IQCF1: variants seen among roughly 807,000 people sequenced by gnomAD.
IQCF1 encodes the protein IQ motif containing F1.
In IQCF1, 9 loss-of-function variants were observed where a neutral mutation model predicts 12.5. The observed-to-expected ratio is 0.72, with a 90% CI of 0.43 to 1.26. IQCF1 has a LOEUF of 1.26. IQCF1 is among the 50% of genes most tolerant of loss of function. The pLI is 0.00. For missense variants in IQCF1, 252 were observed against 257.4 expected, an observed-to-expected ratio of 0.98 and a Z score of 0.14; for synonymous variants, 67 against 96.2, an observed-to-expected ratio of 0.70 and a Z score of 1.78.
chr3:51,903,074 G>C lies in IQCF1; in HGVS notation c.19C>G (p.Gln7Glu). 6.2e-7 allele frequency: 1 copy of C among 1,614,082 alleles called. No individual in the cohort carries two copies. Among genetic ancestry groups the C allele is most frequent in the Non-Finnish European group, 8.5e-7 (1 of 1,180,010 alleles). MEEKQP[Q>E]KTKEPSKEDE... ...TCTTTTGAGGGTTCCTTCGTCTTTT[G>C]GGGCTGCTTCTCCTCCTGCAATCAG... is the stretch of plus-strand genomic sequence containing the variant. Residue 7 changes from glutamine (Q) to glutamate (E), a missense_variant, in exon 2 of 4, where the codon CAA becomes GAA. Coordinates refer to ENST00000310914, the MANE Select transcript of IQCF1 (RefSeq NM_152397.3).
At chr3:51,901,978 C>T (rs186803616) in intron 2 of IQCF1, among the ~76,000 whole-genome samples, 41 of 152,260 alleles carry the variant, frequency 2.7e-4, no homozygotes, top group African/African-American at 9.9e-4. Context: ...ACCTTCATCC[C>T]AAACAACACT....
At position 51,895,694 on chromosome 3, in the gene IQCF1, C is replaced by T. The variant is rs1391816716; in HGVS notation, c.172-358G>A. Among the ~76,000 whole-genome samples the T allele has an allele frequency of 6.6e-6, 1 of 152,216 alleles. No individual in the cohort carries two copies. Among genetic ancestry groups the T allele is most frequent in the African/African-American group, 2.4e-5 (1 of 41,464 alleles). ...TCCACCCAGGCCTGATCCTTTCTTTCAGACCCCTTCCACCTACTGGAGAAG... is the reference window on the plus strand; with the variant it reads ...TCCACCCAGGCCTGATCCTTTCTTTTAGACCCCTTCCACCTACTGGAGAAG... On this transcript the variant is annotated intron_variant, in intron 3 of 3. Transcript: ENST00000310914. The surrounding 1 kb of genome is among the most constrained non-coding windows in gnomAD (Gnocchi z 4.8).
rs1699101615 is a variant in IQCF1 at position 51,903,352 on chromosome 3, G to A, written c.-80C>T. ...TCCAGCCATAGCATAGGCAGGAAGGGTGGAGGAAGAAAGGCCTGTGATGTC... is the reference window on the plus strand; with the variant it reads ...TCCAGCCATAGCATAGGCAGGAAGGATGGAGGAAGAAAGGCCTGTGATGTC... On this transcript the variant is annotated 5_prime_UTR_variant, in exon 1 of 4. Coordinates refer to ENST00000310914, the MANE Select transcript of IQCF1 (RefSeq NM_152397.3). The A allele has an allele frequency of 6.5e-7, 1 of 1,527,628 alleles. No homozygotes were observed. The highest frequency in any genetic ancestry group is 9.1e-7 in the Non-Finnish European group (1 of 1,101,240). 94.6% of individuals were successfully genotyped at this position (1,527,628 alleles called of 1,614,324 possible).
At chr3:51,896,642 A>G (rs1057315018) in intron 3 of IQCF1, among the ~76,000 whole-genome samples, 190 bp downstream of exon 3, 3 of 152,042 alleles carry the variant, frequency 2.0e-5, no homozygotes, top group African/African-American at 7.2e-5. Context: ...TAACTTTCAC[A>G]TTTTAAATCT....
chr3:51,899,459 A>T (rs1699050486), intron 2 of IQCF1, among the ~76,000 whole-genome samples: 1 of 152,262 alleles, frequency 6.6e-6, no homozygotes, highest in South Asian at 2.1e-4. Context: ...AAGGTGTGTA[A>T]GGAAAGTAAA....
chr3:51,895,333 G>C lies in IQCF1; in HGVS notation c.175C>G (p.Pro59Ala). Residue 59 changes from proline (P) to alanine (A), a missense_variant, in exon 4 of 4, where the codon CCA becomes GCA. By Grantham distance (27) the Pro-to-Ala change is conservative (BLOSUM62 -1). Coordinates refer to ENST00000310914, the MANE Select transcript of IQCF1 (RefSeq NM_152397.3). The surrounding 1 kb of genome is among the most constrained non-coding windows in gnomAD (Gnocchi z 4.8). Reference sequence around the variant, plus strand: ...TCAGAGAGCTTCTTTTGGTTTTCTGGGGGCTTTCAAGAAAAAAAGAGGGAC... The same window carrying C: ...TCAGAGAGCTTCTTTTGGTTTTCTGCGGGCTTTCAAGAAAAAAAGAGGGAC... ...DNANEKSEKP[P>A]ENQKKLSDKD... 6.7e-7 allele frequency: 1 copy of C among 1,485,752 alleles called. No homozygotes were observed. 92.0% of individuals were successfully genotyped at this position (1,485,752 alleles called of 1,614,324 possible).
chr3:51,896,719 A>ACACACACG, intron 3 of IQCF1, 113 bp downstream of exon 3: 1 of 812,098 alleles, frequency 1.2e-6, no homozygotes, highest in South Asian at 1.4e-5. Context: ...ACACGCACAC[A>ACACACACG]CACACACACA....
rs773992173 is a variant in IQCF1 at position 51,895,333 on chromosome 3, G to A, written c.175C>T (p.Pro59Ser). 1.2e-4 allele frequency: 178 copies of A among 1,485,712 alleles called. No homozygotes were observed. The highest frequency in any genetic ancestry group is 1.5e-4 in the Non-Finnish European group (174 of 1,123,938). 92.0% of individuals were successfully genotyped at this position (1,485,712 alleles called of 1,614,324 possible). A position where few individuals can be genotyped will look rare whatever the true frequency, so the allele number is the denominator to read the frequency against. ...DNANEKSEKP[P>S]ENQKKLSDKD... Reference sequence around the variant, plus strand: ...TCAGAGAGCTTCTTTTGGTTTTCTGGGGGCTTTCAAGAAAAAAAGAGGGAC... The same window carrying A: ...TCAGAGAGCTTCTTTTGGTTTTCTGAGGGCTTTCAAGAAAAAAAGAGGGAC... The change falls in exon 4 of 4, where the codon CCA becomes TCA. Residue 59 changes from proline to serine, a missense_variant. Pro to Ser is a moderately conservative substitution (Grantham distance 74, BLOSUM62 -1). Coordinates refer to ENST00000310914, the MANE Select transcript of IQCF1 (RefSeq NM_152397.3). The surrounding 1 kb of genome is among the most constrained non-coding windows in gnomAD (Gnocchi z 4.8).
Position 51,900,905 on chromosome 3 carries a change from A to G in IQCF1, c.108+2080T>C, listed in dbSNP as rs1174753634. Among the ~76,000 whole-genome samples, 5 of 152,162 alleles carry G rather than the reference A, an allele frequency of 3.3e-5. No homozygotes were observed. Among genetic ancestry groups the G allele is most frequent in the Admixed American group, 1.3e-4 (2 of 15,272 alleles). On this transcript the variant is annotated intron_variant, in intron 2 of 3. Transcript: ENST00000310914. This position sits in a 1 kb window ranked among gnomAD's most constrained non-coding sequence, Gnocchi z 4.2. ...GGCTGAGGTTTCAGGGACAGACCCT[A>G]TTGGATTCTTTGAAATGCATTTCTT...
chr3:51,901,648 A>G (rs898232264), intron 2 of IQCF1, among the ~76,000 whole-genome samples: 3 of 152,226 alleles, frequency 2.0e-5, no homozygotes, highest in Admixed American at 6.5e-5. Flanking sequence ...GAAGCCCCTT[A>G]TGGGTCTTTT....
Position 51,894,971 on chromosome 3 carries a change from C to T in IQCF1, c.537G>A (p.Gln179=), listed in dbSNP as rs767468479. The T allele has an allele frequency of 6.8e-6, 11 of 1,614,256 alleles. 1 individual carries two copies. The South Asian group carries it at 1.1e-4, about 16-fold the overall frequency. Residue 179 remains glutamine, a synonymous_variant, in exon 4 of 4, where the codon CAG becomes CAA. Transcript: ENST00000310914. ...GCAAGATCTCCAGCTGGAGATGCAG[C>T]TGGTTGGCTGTGACTCTGTACTGGC... ...IKGQYRVTAN[Q]LHLQLEILLD... is the part of the protein sequence containing the mutation.
chr3:51,898,909 C>T (rs1368197872), intron 2 of IQCF1, among the ~76,000 whole-genome samples: 4 of 152,184 alleles, frequency 2.6e-5, no homozygotes, highest in Non-Finnish European at 5.9e-5. Context: ...GAAAATTGCT[C>T]AAACCTGCAA....
chr3:51,902,224 A>G (rs1185010941), intron 2 of IQCF1, among the ~76,000 whole-genome samples: 4 of 152,198 alleles, frequency 2.6e-5, no homozygotes, highest in Non-Finnish European at 5.9e-5. Context: ...AGAGGCTCAT[A>G]AAAACAGCAC....
intron 2 of IQCF1, among the ~76,000 whole-genome samples, 189 bp from the exon 3 acceptor site, chr3:51,897,083 C>T (rs1461180916): frequency 6.6e-6 from 1 of 152,182 alleles, no homozygotes; most frequent in Non-Finnish European, 1.5e-5. Context: ...ACCGGCTCCA[C>T]CCTGACTCAT....
At chr3:51,902,912 C>A in intron 2 of IQCF1, 73 bp downstream of exon 2, 1 of 1,110,534 alleles carries the variant, frequency 9.0e-7, no homozygotes, top group Non-Finnish European at 1.4e-6. Flanking sequence ...CTTATAACAG[C>A]ACCATGCAAA....
At chr3:51,903,233 A>G (rs1699100596) in intron 1 of IQCF1, 37 bp downstream of exon 1, 1 of 1,612,968 alleles carries the variant, frequency 6.2e-7, no homozygotes, top group African/African-American at 1.3e-5. Context: ...CTATGGGGAC[A>G]TCCCTAACAA....
In IQCF1 at chr3:51,895,865, C is replaced by T. The variant is rs991157937; in HGVS notation, c.172-529G>A. On this transcript the variant is annotated intron_variant, in intron 3 of 3. Coordinates refer to ENST00000310914, the MANE Select transcript of IQCF1 (RefSeq NM_152397.3). This position sits in a 1 kb window ranked among gnomAD's most constrained non-coding sequence, Gnocchi z 4.8. ...TATCTAAGGGGTCTGGGGAGTCATG[C>T]CCCACAAATCATAACTTCTCATCAG... Among the ~76,000 whole-genome samples the T allele has an allele frequency of 6.6e-6, 1 of 152,168 alleles. No individual in the cohort carries two copies. The highest frequency in any genetic ancestry group is 6.5e-5 in the Admixed American group (1 of 15,286).
In IQCF1 at chr3:51,903,093, C is replaced by A. The variant is rs749644326; in HGVS notation, c.4-4G>T. 6.2e-7 allele frequency: 1 copy of A among 1,613,946 alleles called. No homozygotes were observed. Among genetic ancestry groups the A allele is most frequent in the South Asian group, 1.1e-5 (1 of 91,078 alleles). On this transcript the variant is annotated splice_polypyrimidine_tract_variant and splice_region_variant and intron_variant, in intron 1 of 3. Coordinates refer to ENST00000310914, the MANE Select transcript of IQCF1 (RefSeq NM_152397.3). ...TCTTTTGGGGCTGCTTCTCCTCCTG[C>A]AATCAGCATTAGGGGAAAGGCAAGA...
rs142254753 is a variant in IQCF1 at position 51,894,912 on chromosome 3, A to T, written c.596T>A (p.Ile199Asn). 4 of 1,614,068 alleles carry T rather than the reference A, an allele frequency of 2.5e-6. No homozygotes were observed. Among genetic ancestry groups the T allele is most frequent in the Non-Finnish European group, 3.4e-6 (4 of 1,179,974 alleles). Residue 199 changes from isoleucine to asparagine, a missense_variant, in exon 4 of 4, where the codon ATT becomes AAT. Coordinates refer to ENST00000310914, the MANE Select transcript of IQCF1 (RefSeq NM_152397.3). ...DSGPCIVTEC[I>N]PFSIKE ...ACTTCATTCCTTTATTGAGAAGGGA[A>T]TACACTCTGTCACAATGCAAGGCCC...
Sources: gnomAD v4.1 joint callset for allele counts (sites outside exome capture counted in the v4.1 genomes callset) on GRCh38, gnomAD v4.1.1 for gene constraint, Gnocchi (gnomAD v3.1) non-coding constraint, MANE v1.5 for transcripts, NCBI Gene and HGNC (gene_info 2026-07-23, HGNC 2026-07-21) for gene names.